Variants in DDX4 observed in about 807,000 individuals in gnomAD.
DDX4 encodes probable ATP-dependent RNA helicase DDX4.
Under a neutral mutation model 100.0 loss-of-function variants are expected in DDX4, and 25 were observed. The ratio of observed to expected loss-of-function variants is 0.25; its 90% CI spans 0.18 to 0.35. The LOEUF (loss-of-function observed/expected upper bound fraction) is 0.35, where lower values mean the gene tolerates loss of function less well. Ranked by LOEUF, DDX4 falls within the 10% of genes least tolerant of loss-of-function variation. The pLI is 1.00. For missense variants in DDX4, 635 were observed against 882.4 expected, an observed-to-expected ratio of 0.72 and a Z score of 3.55; for synonymous variants, 259 against 275.7, an observed-to-expected ratio of 0.94 and a Z score of 0.60.
At chr5:55,743,927 T>TTTC (rs1165768331) in intron 2 of DDX4, among the ~76,000 whole-genome samples, 6 of 151,270 alleles carry the variant, frequency 4.0e-5, no homozygotes, top group Admixed American at 3.3e-4. Flanking sequence ...TTTTTTTTTT[T>TTTC]TGCCTCTATT....
At chr5:55,800,401 G>A (rs997280603) in intron 18 of DDX4, among the ~76,000 whole-genome samples, 1 of 148,736 alleles carries the variant, frequency 6.7e-6, no homozygotes, top group Non-Finnish European at 1.5e-5. Context: ...TCGGCTCACT[G>A]CAACCTCTGC....
chr5:55,777,932 C>G (rs1040537180), intron 7 of DDX4, among the ~76,000 whole-genome samples: 2 of 151,948 alleles, frequency 1.3e-5, no homozygotes, highest in Admixed American at 6.6e-5. Context: ...ATTCGCAAAT[C>G]CTAGTAAGTT....
chr5:55,787,916 T>C lies in DDX4; in HGVS notation c.1088T>C (p.Leu363Ser), dbSNP rs142659936. ...ATAACTGCCAGTCGTTTTAAAGAGT[T>C]GCAGGAACCAGAGTGTATTATTGTA... ...DGITASRFKELQEPECIIVAP... is the reference protein window; with the variant it reads ...DGITASRFKESQEPECIIVAP... The change falls in exon 15 of 22, where the codon TTG (leucine) becomes TCG (serine). Residue 363 changes from leucine to serine, a missense_variant. By Grantham distance (145) the Leu-to-Ser change is moderately radical (BLOSUM62 -2). Around this residue, in one of 4 missense-constraint regions of DDX4, gnomAD observed 446 missense variants for 540.8 expected, o/e 0.82. Coordinates refer to ENST00000505374, the MANE Select transcript of DDX4 (RefSeq NM_024415.3). 386 of 1,613,872 alleles carry C rather than the reference T, an allele frequency of 2.4e-4. No homozygotes were observed. The highest frequency in any genetic ancestry group is 2.7e-4 in the Non-Finnish European group (317 of 1,179,970).
At chr5:55,760,171 G>T (rs754179932) in intron 3 of DDX4, 29 bp from the exon 4 acceptor site, 15 of 1,558,026 alleles carry the variant, frequency 9.6e-6, no homozygotes, top group Middle Eastern at 1.7e-4. Context: ...GTTTTTATTT[G>T]ACTTACTTCA....
At chr5:55,766,879 G>A in intron 6 of DDX4, 2 of 1,513,074 alleles carry the variant, frequency 1.3e-6, no homozygotes, top group Non-Finnish European at 1.8e-6. Flanking sequence ...TAATAACATA[G>A]AACTTTTACA....
At chr5:55,792,504 C>T (rs535744950) in intron 16 of DDX4, 137 bp from the exon 17 acceptor site, 37 of 378,220 alleles carry the variant, frequency 9.8e-5, no homozygotes, top group Non-Finnish European at 1.2e-4. Context: ...GGACTACAGG[C>T]GTCCGCCAAC....
At chr5:55,755,844 C>T (rs1759895238) in intron 3 of DDX4, among the ~76,000 whole-genome samples, 1 of 152,074 alleles carries the variant, frequency 6.6e-6, no homozygotes, top group African/African-American at 2.4e-5. Flanking sequence ...AGCCAGCACT[C>T]AGATCAAGAA....
chr5:55,746,335 G>T (rs73127426), intron 3 of DDX4, 114 bp downstream of exon 3: 37,273 of 808,052 alleles, frequency 0.046, 1,188 homozygotes, highest in African/African-American at 0.13. Context: ...AAATTTCTTA[G>T]TGAAAGTTCC....
chr5:55,767,032 T>A, intron 6 of DDX4: 1 of 1,479,296 alleles, frequency 6.8e-7, no homozygotes, highest in Non-Finnish European at 8.9e-7. Context: ...CTGGGAATGT[T>A]ACTTACTAAT....
intron 18 of DDX4, among the ~76,000 whole-genome samples, chr5:55,801,448 T>C (rs1014632666): frequency 1.1e-4 from 16 of 152,200 alleles, no homozygotes; most frequent in Admixed American, 7.9e-4. Flanking sequence ...GGGAAAACTT[T>C]ATTTGCATTT....
chr5:55,763,179 T>C lies in DDX4; in HGVS notation c.210T>C (p.Ala70=), dbSNP rs1355733565. The C allele has an allele frequency of 3.1e-6, 5 of 1,608,420 alleles. No individual in the cohort carries two copies. The highest frequency in any genetic ancestry group is 1.7e-5 in the Admixed American group (1 of 59,972). ...TAACTGTCCACCCTTTTTCAGATGC[T>C]GGTGAGTGTAATAAGCGAGATAATA... ...ASGRNFGNRD[A]GECNKRDNTS... Residue 70 remains alanine, a synonymous_variant, in exon 5 of 22, where the codon GCT becomes GCC. Transcript: ENST00000505374.
intron 3 of DDX4, among the ~76,000 whole-genome samples, chr5:55,759,386 A>T (rs1173426249): frequency 1.3e-5 from 2 of 151,982 alleles, no homozygotes; most frequent in East Asian, 3.9e-4. Context: ...AAATGTTTTT[A>T]AAAATACGTC....
Position 55,738,955 on chromosome 5 carries a change from G to A in DDX4, c.-9G>A, listed in dbSNP as rs1186293583. 1 of 1,539,564 alleles carries A rather than the reference G, an allele frequency of 6.5e-7. No individual in the cohort carries two copies. Among genetic ancestry groups the A allele is most frequent in the East Asian group, 2.3e-5 (1 of 44,424 alleles). ...TTTTTTTTTTTTATGAATAGAACTTGAAGCCACCATGGGAGATGAAGATTG... is the reference window on the plus strand; with the variant it reads ...TTTTTTTTTTTTATGAATAGAACTTAAAGCCACCATGGGAGATGAAGATTG... On this transcript the variant is annotated 5_prime_UTR_variant, in exon 2 of 22. Transcript: ENST00000505374.
intron 18 of DDX4, 66 bp from the exon 19 acceptor site, chr5:55,813,607 A>G (rs558122535): frequency 6.8e-6 from 10 of 1,475,398 alleles, no homozygotes; most frequent in African/African-American, 1.4e-5. Flanking sequence ...ACTGCCTCCT[A>G]TCCCTGCTTT....
At chr5:55,751,509 A>G (rs557940702) in intron 3 of DDX4, among the ~76,000 whole-genome samples, 1 of 152,366 alleles carries the variant, frequency 6.6e-6, no homozygotes, top group African/African-American at 2.4e-5. Context: ...TGCTGGGATT[A>G]TAGGCGTGAG....
At chr5:55,766,932 G>A (rs796822283) in intron 6 of DDX4, 1 of 1,513,520 alleles carries the variant, frequency 6.6e-7, no homozygotes, top group Non-Finnish European at 8.9e-7. Flanking sequence ...TTCTGGGAAT[G>A]GGGTCTAGGA....
rs1744302138 is a variant in DDX4 at position 55,814,842 on chromosome 5, A to T, written c.1716-59A>T. On this transcript the variant is annotated intron_variant, in intron 19 of 21. Coordinates refer to ENST00000505374, the MANE Select transcript of DDX4 (RefSeq NM_024415.3). ...AAAGAAATTTGTATGTTGAACTTTA[A>T]TGATTCACTTTAATGATTTTAAGAG... The T allele has an allele frequency of 1.2e-5, 19 of 1,535,750 alleles. No individual in the cohort carries two copies. In the South Asian group the frequency reaches 2.1e-4, roughly 17 times the overall value.
intron 16 of DDX4, among the ~76,000 whole-genome samples, chr5:55,791,148 T>G (rs1005474645): frequency 4.6e-5 from 7 of 152,196 alleles, no homozygotes; most frequent in Non-Finnish European, 7.3e-5. Flanking sequence ...AGCATGGGAA[T>G]GATATTAACC....
intron 4 of DDX4, among the ~76,000 whole-genome samples, chr5:55,760,482 G>C (rs1221985905): frequency 6.6e-6 from 1 of 152,096 alleles, no homozygotes; most frequent in Non-Finnish European, 1.5e-5. Flanking sequence ...GTAGTGTTAA[G>C]TTGATTAGAC....
Sources: gnomAD v4.1 joint callset for allele counts (sites outside exome capture counted in the v4.1 genomes callset) on GRCh38, gnomAD v4.1.1 for gene constraint, gnomAD v4.1.1 regional missense constraint, MANE v1.5 for transcripts, NCBI Gene and HGNC (gene_info 2026-07-23, HGNC 2026-07-21) for gene names.